Variants in SGMS2 observed in about 807,000 individuals in gnomAD.
SGMS2 encodes the protein sphingomyelin synthase 2.
A neutral mutation model predicts 43.8 loss-of-function variants in SGMS2; 21 were observed. The observed-to-expected ratio is 0.48, with a 90% CI of 0.34 to 0.69. The LOEUF is 0.69. Among genes scored for constraint, SGMS2 ranks in the 30% least tolerant of loss-of-function variants. The pLI is 0.01. For missense variants in SGMS2, 384 were observed against 443.2 expected, an observed-to-expected ratio of 0.87 and a Z score of 1.20; for synonymous variants, 167 against 160.6, an observed-to-expected ratio of 1.04 and a Z score of -0.30.
At chr4:107,843,208 T>C (rs1426838242) in intron 1 of SGMS2, among the ~76,000 whole-genome samples, 1 of 152,102 alleles carries the variant, frequency 6.6e-6, no homozygotes, top group Non-Finnish European at 1.5e-5. Context: ...CACTTTTTTA[T>C]ACAAGTAATT....
chr4:107,873,894 A>T (rs901748932), intron 2 of SGMS2: 1 of 152,108 alleles, frequency 6.6e-6, no homozygotes, highest in East Asian at 1.9e-4. Context: ...TGGGCTCCTA[A>T]GAACTATTTA....
intron 2 of SGMS2, among the ~76,000 whole-genome samples, chr4:107,892,152 C>G (rs1256092842): frequency 7.1e-6 from 1 of 141,342 alleles, no homozygotes; most frequent in African/African-American, 2.6e-5. Flanking sequence ...GGAAGGGAAA[C>G]TCCGTAAAGG....
chr4:107,897,731 A>G (rs950359977), intron 3 of SGMS2, among the ~76,000 whole-genome samples: 4 of 152,172 alleles, frequency 2.6e-5, no homozygotes, highest in Admixed American at 6.5e-5. Context: ...TTCAGTCGCA[A>G]TTCACACAAG....
intron 6 of SGMS2, 115 bp from the exon 7 acceptor site, chr4:107,910,235 A>G (rs1272841315): frequency 1.2e-6 from 1 of 846,976 alleles, no homozygotes; most frequent in Admixed American, 2.4e-5. Flanking sequence ...CATTACTGCC[A>G]TGTGATTCTG....
chr4:107,839,282 A>G (rs1726370494), intron 1 of SGMS2, among the ~76,000 whole-genome samples: 1 of 152,154 alleles, frequency 6.6e-6, no homozygotes, highest in Non-Finnish European at 1.5e-5. Context: ...GCCTGGTAAT[A>G]GTTGACCATG....
chr4:107,878,285 G>A (rs139804237), intron 2 of SGMS2, among the ~76,000 whole-genome samples: 62 of 152,168 alleles, frequency 4.1e-4, no homozygotes, highest in Admixed American at 6.5e-4. Context: ...GGGGAGTCCC[G>A]TCTTCCCTAC....
intron 1 of SGMS2, among the ~76,000 whole-genome samples, chr4:107,853,987 A>G (rs1025834222): frequency 2.0e-5 from 3 of 152,234 alleles, no homozygotes; most frequent in African/African-American, 7.2e-5. Context: ...GTGAACCGCA[A>G]GGGAATTAAT....
intron 1 of SGMS2, among the ~76,000 whole-genome samples, chr4:107,843,970 G>A (rs891260906): frequency 1.3e-5 from 2 of 152,126 alleles, no homozygotes; most frequent in African/African-American, 4.8e-5. Flanking sequence ...CTTATTTGTA[G>A]ATATGCTTCA....
chr4:107,898,311 T>C (rs1730841568), intron 3 of SGMS2, among the ~76,000 whole-genome samples: 1 of 152,132 alleles, frequency 6.6e-6, no homozygotes, highest in Non-Finnish European at 1.5e-5. Context: ...AAATAGCTGT[T>C]GGAAACAGAC....
chr4:107,853,129 T>C (rs1302348910), intron 1 of SGMS2, among the ~76,000 whole-genome samples: 2 of 152,178 alleles, frequency 1.3e-5, no homozygotes, highest in Non-Finnish European at 2.9e-5. Flanking sequence ...CATTTGGATA[T>C]AACAACTTTG....
intron 2 of SGMS2, among the ~76,000 whole-genome samples, chr4:107,884,883 C>G (rs1031592272): frequency 2.0e-5 from 3 of 152,204 alleles, no homozygotes; most frequent in African/African-American, 7.2e-5. Flanking sequence ...CATGGGTGTG[C>G]ATCCTCAACC....
intron 1 of SGMS2, among the ~76,000 whole-genome samples, chr4:107,847,995 G>A (rs1578522464): frequency 6.6e-6 from 1 of 152,086 alleles, no homozygotes; most frequent in Admixed American, 6.6e-5. Context: ...TGAAAAATGT[G>A]TAATGACATG....
intron 2 of SGMS2, among the ~76,000 whole-genome samples, chr4:107,887,737 A>G (rs1022579916): frequency 3.3e-5 from 5 of 152,358 alleles, no homozygotes; most frequent in Non-Finnish European, 5.9e-5. Flanking sequence ...CCAAAGTGAT[A>G]ACACAAGGAT....
At chr4:107,897,868 C>A (rs1217242532) in intron 3 of SGMS2, among the ~76,000 whole-genome samples, 1 of 152,128 alleles carries the variant, frequency 6.6e-6, no homozygotes, top group East Asian at 1.9e-4. Context: ...TTTAAAAGCA[C>A]CTTTCAAAGC....
chr4:107,898,381 T>G (rs1730846926), intron 3 of SGMS2, among the ~76,000 whole-genome samples: 2 of 152,164 alleles, frequency 1.3e-5, no homozygotes, highest in Admixed American at 1.3e-4. Flanking sequence ...GTTATCTGAA[T>G]TAGACCTTGA....
At position 107,913,896 on chromosome 4, in the gene SGMS2, T is replaced by C. The variant is rs966002059; in HGVS notation, c.*3343T>C. 4 of 152,174 alleles carry C rather than the reference T, an allele frequency of 2.6e-5. No individual in the cohort carries two copies. The highest frequency in any genetic ancestry group is 9.6e-5 in the African/African-American group (4 of 41,456). 9.4% of individuals were successfully genotyped at this position (152,174 alleles called of 1,614,324 possible). On this transcript the variant is annotated 3_prime_UTR_variant, in exon 7 of 7. Transcript: ENST00000690982. ...CCCCTTGAATAGTTTGAACATTTCT[T>C]TCTTAATTCTTTTTTGTTTTTGTTT...
chr4:107,869,157 G>A (rs1202330257), intron 2 of SGMS2, among the ~76,000 whole-genome samples: 1 of 152,086 alleles, frequency 6.6e-6, no homozygotes, highest in Non-Finnish European at 1.5e-5. Flanking sequence ...AGGAGAGAGG[G>A]GACACTAGGT....
chr4:107,886,428 T>C (rs1729761326), intron 2 of SGMS2, among the ~76,000 whole-genome samples: 1 of 144,138 alleles, frequency 6.9e-6, no homozygotes, highest in Non-Finnish European at 1.5e-5. Context: ...TTGCCCAGAC[T>C]GGTCTTGAAC....
At chr4:107,849,065 C>A (rs1036169373) in intron 1 of SGMS2, among the ~76,000 whole-genome samples, 4 of 152,066 alleles carry the variant, frequency 2.6e-5, no homozygotes, top group African/African-American at 7.2e-5. Context: ...CAGCACAATT[C>A]GTTGAGAAGA....
Sources: gnomAD v4.1 joint callset for allele counts (sites outside exome capture counted in the v4.1 genomes callset) on GRCh38, gnomAD v4.1.1 for gene constraint, MANE v1.5 for transcripts, NCBI Gene and HGNC (gene_info 2026-07-23, HGNC 2026-07-21) for gene names.